The following FER1L6 variants were observed in gnomAD, a reference collection of about 807,000 sequenced individuals.
The protein encoded by FER1L6 is fer-1 like family member 6, also known as fer-1-like protein 6.
A neutral mutation model predicts 219.2 loss-of-function variants in FER1L6; 177 were observed. That is an observed-to-expected ratio of 0.81 (90% CI 0.71 to 0.91). The LOEUF (loss-of-function observed/expected upper bound fraction) is 0.91, where lower values mean the gene tolerates loss of function less well. Among genes scored for constraint, FER1L6 ranks in the 40% least tolerant of loss-of-function variants. The pLI is 0.00. For missense variants in FER1L6, 2,153 were observed against 2,259.9 expected (o/e 0.95, Z 0.96); for synonymous variants, 768 against 824.3 (o/e 0.93, Z 1.17).
At chr8:124,104,898 T>G (rs575907670) in intron 39 of FER1L6, among the ~76,000 whole-genome samples, 3 of 152,306 alleles carry the variant, frequency 2.0e-5, no homozygotes, top group Non-Finnish European at 2.9e-5. Flanking sequence ...TGATAGGCCC[T>G]GGGAATAAGA....
intron 1 of FER1L6, among the ~76,000 whole-genome samples, chr8:123,951,635 A>G (rs1327061632): frequency 6.6e-6 from 1 of 152,104 alleles, no homozygotes; most frequent in Non-Finnish European, 1.5e-5. Flanking sequence ...AAATTTTGTG[A>G]TTTTGTTTTG....
At chr8:123,908,374 A>G (rs141622977) in intron 1 of FER1L6, among the ~76,000 whole-genome samples, 223 of 152,336 alleles carry the variant, frequency 1.5e-3, no homozygotes, top group African/African-American at 5.2e-3. Flanking sequence ...TCAGGGCCAA[A>G]GCAAATTTAT....
chr8:123,946,049 G>T (rs926236641), intron 1 of FER1L6, among the ~76,000 whole-genome samples: 1 of 152,136 alleles, frequency 6.6e-6, no homozygotes, highest in Non-Finnish European at 1.5e-5. Context: ...AGGTCACTGG[G>T]CCTAGGTTTA....
intron 19 of FER1L6, among the ~76,000 whole-genome samples, chr8:124,039,571 T>C (rs1222819652): frequency 6.6e-6 from 1 of 152,252 alleles, no homozygotes; most frequent in Admixed American, 6.5e-5. Context: ...TCTTTTAACC[T>C]GGTTGTGGGC....
At chr8:123,961,133 T>C (rs1815257924) in intron 2 of FER1L6, among the ~76,000 whole-genome samples, 1 of 152,104 alleles carries the variant, frequency 6.6e-6, no homozygotes, top group African/African-American at 2.4e-5. Context: ...TGGTGGAGTG[T>C]GCTTGCAGTC....
chr8:124,118,796 C>T (rs1276018435), intron 39 of FER1L6, 48 bp from the exon 40 acceptor site: 2 of 1,535,236 alleles, frequency 1.3e-6, no homozygotes, highest in Non-Finnish European at 1.8e-6. Context: ...GCCATTGGCT[C>T]AGTGGGTCTT....
At chr8:124,061,370 C>G (rs996024732) in intron 24 of FER1L6, among the ~76,000 whole-genome samples, 1 of 151,968 alleles carries the variant, frequency 6.6e-6, no homozygotes, top group African/African-American at 2.4e-5. Context: ...GCAAAGCCTA[C>G]AATGGAAGAA....
intron 1 of FER1L6, among the ~76,000 whole-genome samples, chr8:123,877,118 T>C (rs1455879570): frequency 6.6e-6 from 1 of 152,276 alleles, no homozygotes; most frequent in Non-Finnish European, 1.5e-5. Context: ...GTATCGCTGG[T>C]GCCCAGCACA....
At chr8:123,916,953 G>T (rs1813208639) in intron 1 of FER1L6, among the ~76,000 whole-genome samples, 1 of 152,228 alleles carries the variant, frequency 6.6e-6, no homozygotes, top group African/African-American at 2.4e-5. Flanking sequence ...GTGTCTGTCA[G>T]TGATGCTGAG....
chr8:123,877,512 G>A (rs750742065), intron 1 of FER1L6, among the ~76,000 whole-genome samples: 3 of 152,142 alleles, frequency 2.0e-5, no homozygotes, highest in Non-Finnish European at 2.9e-5. Context: ...ATGAGATGAG[G>A]TGGGGGACAT....
Position 124,118,831 on chromosome 8 carries a change from C to T in FER1L6, c.5290-13C>T. The T allele has an allele frequency of 6.2e-7, 1 of 1,612,434 alleles. No homozygotes were observed. The highest frequency in any genetic ancestry group is 8.5e-7 in the Non-Finnish European group (1 of 1,178,946). ...TTGTGACTGGAAACAAAAGGTTTTG[C>T]ATCTTTTTGCAGGGCAAGGTTGAAG... is the stretch of plus-strand genomic sequence containing the variant. On this transcript the variant is annotated splice_polypyrimidine_tract_variant and intron_variant, in intron 39 of 40. Transcript: ENST00000522917.
At chr8:123,985,752 C>A in intron 11 of FER1L6, 1 of 219,194 alleles carries the variant, frequency 4.6e-6, no homozygotes, top group African/African-American at 2.3e-5. Flanking sequence ...TAATTCCAAA[C>A]CCGTGTTTCA....
At chr8:124,069,642 A>G (rs1053694542) in intron 29 of FER1L6, among the ~76,000 whole-genome samples, 167 bp downstream of exon 29, 1 of 152,226 alleles carries the variant, frequency 6.6e-6, no homozygotes, top group Non-Finnish European at 1.5e-5. Flanking sequence ...CAAGACAGGA[A>G]GCTTGTTCAT....
chr8:123,975,996 GC>G lies in FER1L6; in HGVS notation c.783del (p.Ser261ArgfsTer48). 3 of 1,614,084 alleles carry G rather than the reference GC, an allele frequency of 1.9e-6. No individual in the cohort carries two copies. The East Asian group carries it at 6.7e-5, about 36-fold the overall frequency. ...GAAGGGTTGCCCAAAATGAATTCAA[GC>G]ATCATGGCGAACGTCACCAAGGCAT... ...KAEGLPKMNS[S>X]IMANVTKAFV... On this transcript the variant is annotated frameshift_variant, in exon 9 of 41. Transcript: ENST00000522917. LOFTEE classifies it high-confidence loss of function.
chr8:123,997,862 A>G (rs771117441), intron 12 of FER1L6, among the ~76,000 whole-genome samples: 46 of 151,982 alleles, frequency 3.0e-4, no homozygotes, highest in Non-Finnish European at 5.3e-4. Context: ...ATTCTTTCTA[A>G]TTATTCAATC....
intron 32 of FER1L6, among the ~76,000 whole-genome samples, 164 bp from the exon 33 acceptor site, chr8:124,082,124 T>C (rs6987090): frequency 0.8 from 121,040 of 151,948 alleles, 48,618 homozygotes; most frequent in Non-Finnish European, 0.86. Context: ...TTGTTTGTAC[T>C]GCAATGAAAA....
intron 1 of FER1L6, among the ~76,000 whole-genome samples, chr8:123,950,617 C>T (rs531007502): frequency 6.6e-6 from 1 of 152,294 alleles, no homozygotes; most frequent in African/African-American, 2.4e-5. Context: ...ACTCAGCTGA[C>T]TCTTGCAGGT....
At chr8:123,888,700 G>T (rs1297402821) in intron 1 of FER1L6, among the ~76,000 whole-genome samples, 1 of 152,136 alleles carries the variant, frequency 6.6e-6, no homozygotes, top group Non-Finnish European at 1.5e-5. Context: ...CACCTATTTG[G>T]GTTAGGAAAG....
chr8:123,958,525 G>A (rs1815120016), intron 2 of FER1L6, among the ~76,000 whole-genome samples: 1 of 152,022 alleles, frequency 6.6e-6, no homozygotes, highest in African/African-American at 2.4e-5. Context: ...CCTAGGAGTG[G>A]CAACAGCTTG....
Sources: gnomAD v4.1 joint callset for allele counts (sites outside exome capture counted in the v4.1 genomes callset) on GRCh38, gnomAD v4.1.1 for gene constraint, MANE v1.5 for transcripts, NCBI Gene and HGNC (gene_info 2026-07-23, HGNC 2026-07-21) for gene names.